Variants in SYNGR1 observed in about 807,000 individuals in gnomAD.
The protein encoded by SYNGR1 is synaptogyrin 1.
Under a neutral mutation model 26.1 loss-of-function variants are expected in SYNGR1, and 14 were observed. That is an observed-to-expected ratio of 0.54 (90% CI 0.35 to 0.84). The LOEUF (loss-of-function observed/expected upper bound fraction) is 0.84, where lower values mean the gene tolerates loss of function less well. Ranked by LOEUF, SYNGR1 falls within the 40% of genes least tolerant of loss-of-function variation. SYNGR1 has a pLI of 0.01. For missense variants in SYNGR1, 319 were observed against 332.9 expected (o/e 0.96, Z 0.33); for synonymous variants, 141 against 150.1 (o/e 0.94, Z 0.44).
At position 39,381,936 on chromosome 22, in the gene SYNGR1, C is replaced by T. The variant is rs747144169; in HGVS notation, c.*22C>T. On this transcript the variant is annotated 3_prime_UTR_variant, in exon 4 of 4. Transcript: ENST00000328933. ...CTGAGCCACAGTGACCGCCTGCCCC[C>T]GCCCCTCCCCATCTGTCCCCTCTCT... The T allele has an allele frequency of 3.2e-5, 50 of 1,578,130 alleles. 1 individual carries two copies. The highest frequency in any genetic ancestry group is 1.0e-4 in the South Asian group (9 of 87,696).
At chr22:39,362,868 C>T (rs546181785) in intron 1 of SYNGR1, among the ~76,000 whole-genome samples, 1 of 152,258 alleles carries the variant, frequency 6.6e-6, no homozygotes, top group South Asian at 2.1e-4. Context: ...TTGCTGTCTA[C>T]TCCCCTCAAA....
chr22:39,356,770 C>T (rs1924163661), intron 1 of SYNGR1, among the ~76,000 whole-genome samples: 2 of 152,184 alleles, frequency 1.3e-5, no homozygotes, highest in African/African-American at 4.8e-5. Context: ...GTTCTGCACC[C>T]TCTCTGCCAG....
intron 1 of SYNGR1, among the ~76,000 whole-genome samples, chr22:39,363,464 C>T (rs545843417): frequency 1.5e-4 from 23 of 151,940 alleles, no homozygotes; most frequent in Admixed American, 9.2e-4. Context: ...GCAGCTGGCC[C>T]GAATGTCAGA....
At chr22:39,379,200 C>T (rs1412574623) in intron 3 of SYNGR1, among the ~76,000 whole-genome samples, 1 of 152,228 alleles carries the variant, frequency 6.6e-6, no homozygotes, top group East Asian at 1.9e-4. Flanking sequence ...AGTGGGAAAC[C>T]CCAGAGGGCT....
intron 1 of SYNGR1, among the ~76,000 whole-genome samples, chr22:39,358,911 G>A (rs1381525504): frequency 6.6e-6 from 1 of 152,266 alleles, no homozygotes; most frequent in Non-Finnish European, 1.5e-5. Context: ...TGGAGCAGGG[G>A]CCAGGTGAAG....
At chr22:39,356,713 G>A (rs886212000) in intron 1 of SYNGR1, among the ~76,000 whole-genome samples, 1 of 152,202 alleles carries the variant, frequency 6.6e-6, no homozygotes, top group Admixed American at 6.5e-5. Context: ...GGGAGGGGAG[G>A]CAGGGTAGGC....
chr22:39,376,341 C>T (rs1163608033), intron 3 of SYNGR1, 144 bp downstream of exon 3: 18 of 1,395,648 alleles, frequency 1.3e-5, no homozygotes, highest in East Asian at 7.0e-5. Context: ...TGCCTGTCTG[C>T]GGCGCTCACA....
chr22:39,373,561 C>T (rs537985593), intron 1 of SYNGR1, among the ~76,000 whole-genome samples: 1 of 152,298 alleles, frequency 6.6e-6, no homozygotes, highest in Non-Finnish European at 1.5e-5. Context: ...CGGTTCACTA[C>T]AACCTCCACC....
Position 39,374,300 on chromosome 22 carries a change from G to GC in SYNGR1, c.100-12dup. ...GGGGTCTGCCCAGGTCTAAGGTGTG[G>GC]CCCCACCCCCGACAGCTGTTCTCCA... On this transcript the variant is annotated splice_polypyrimidine_tract_variant and intron_variant, in intron 1 of 3. Transcript: ENST00000328933. 6.2e-7 allele frequency: 1 copy of GC among 1,612,858 alleles called. No homozygotes were observed. Among genetic ancestry groups the GC allele is most frequent in the South Asian group, 1.1e-5 (1 of 91,066 alleles).
At chr22:39,364,682 T>C (rs905742164) in intron 1 of SYNGR1, among the ~76,000 whole-genome samples, 1 of 151,962 alleles carries the variant, frequency 6.6e-6, no homozygotes, top group South Asian at 2.1e-4. Context: ...AGGTGCAGAG[T>C]TGTCAGACAG....
intron 1 of SYNGR1, among the ~76,000 whole-genome samples, chr22:39,371,736 C>T (rs1925031234): frequency 6.6e-6 from 1 of 152,138 alleles, no homozygotes; most frequent in African/African-American, 2.4e-5. Flanking sequence ...CCTCCTTTCT[C>T]AGCCTCCTAA....
intron 1 of SYNGR1, among the ~76,000 whole-genome samples, chr22:39,357,191 A>C (rs1924181368): frequency 6.6e-6 from 1 of 152,074 alleles, no homozygotes; most frequent in Non-Finnish European, 1.5e-5. Flanking sequence ...GCCTGAACCC[A>C]GGAGGCGGAG....
At chr22:39,358,268 G>C (rs1924269457) in intron 1 of SYNGR1, among the ~76,000 whole-genome samples, 1 of 152,186 alleles carries the variant, frequency 6.6e-6, no homozygotes, top group Non-Finnish European at 1.5e-5. Context: ...TTTGTATCTA[G>C]CTCAGGGATT....
rs1194896759 is a variant in SYNGR1, at chr22:39,384,612, C to T, written c.*2698C>T. 1.8e-5 allele frequency: 7 copies of T among 398,798 alleles called. No individual in the cohort carries two copies. In the South Asian group the frequency reaches 7.6e-4, roughly 43 times the overall value. The allele number at this position is 398,798 out of a possible 1,614,324, so 24.7% of individuals were successfully genotyped here. On this transcript the variant is annotated 3_prime_UTR_variant, in exon 4 of 4. Transcript: ENST00000328933. ...CGCTCCTTCTGTTGGCAGAGGACAG[C>T]CCCTGGGGAACCCCAGGCCCAACTC...
intron 1 of SYNGR1, among the ~76,000 whole-genome samples, chr22:39,365,984 CCTT>C (rs1865696919): frequency 1.1e-5 from 1 of 89,254 alleles, no homozygotes; most frequent in African/African-American, 3.3e-5. Context: ...GCGCTCAGCC[CCTT>C]CTTTTTTTTT....
chr22:39,374,347 T>G lies in SYNGR1; in HGVS notation c.131T>G (p.Val44Gly). 6.2e-7 allele frequency: 1 copy of G among 1,613,992 alleles called. No individual in the cohort carries two copies. The highest frequency in any genetic ancestry group is 1.3e-5 in the African/African-American group (1 of 75,034). The change falls in exon 2 of 4, where the codon GTG becomes GGG. Residue 44 changes from valine to glycine, a missense_variant. Val to Gly is a moderately radical substitution (Grantham distance 109, BLOSUM62 -3). Transcript: ENST00000328933. Reference protein sequence around the residue: ...LFSIVVFGSIVNEGYLNSASE... With the variant: ...LFSIVVFGSIGNEGYLNSASE... ...TCCATAGTGGTGTTCGGCTCCATCG[T>G]GAACGAGGGCTACCTCAACAGCGCC...
chr22:39,375,466 C>T (rs1411441502), intron 2 of SYNGR1: 1 of 186,670 alleles, frequency 5.4e-6, no homozygotes, highest in Non-Finnish European at 1.1e-5. Context: ...CTGACGCCCC[C>T]AGGCTCGGCT....
chr22:39,371,709 T>C (rs907069348), intron 1 of SYNGR1, among the ~76,000 whole-genome samples: 1 of 152,044 alleles, frequency 6.6e-6, no homozygotes, highest in African/African-American at 2.4e-5. Context: ...GGTCTTGAAC[T>C]CCTGGACTCA....
intron 3 of SYNGR1, chr22:39,377,772 C>T: frequency 6.4e-7 from 1 of 1,565,056 alleles, no homozygotes; most frequent in Non-Finnish European, 8.6e-7. Context: ...CCAGAAATGT[C>T]CAAGATGCCA....
Sources: allele counts gnomAD v4.1 joint callset (sites outside exome capture counted in the v4.1 genomes callset), GRCh38; gene constraint gnomAD v4.1.1; transcripts MANE v1.5; gene names NCBI Gene and HGNC (gene_info 2026-07-23, HGNC 2026-07-21).